The following IQCJ variants were observed in gnomAD, a reference collection of about 807,000 sequenced individuals.
IQCJ encodes IQ motif containing J.
In IQCJ, 9 loss-of-function variants were observed where a neutral mutation model predicts 11.0. That is an observed-to-expected ratio of 0.82 (90% CI 0.49 to 1.43). The LOEUF is 1.43. IQCJ is among the 40% of genes most tolerant of loss of function. IQCJ has a pLI of 0.00. For synonymous variants in IQCJ, 55 were observed against 51.3 expected, an observed-to-expected ratio of 1.07 and a Z score of -0.31; for missense variants, 146 against 133.2, an observed-to-expected ratio of 1.10 and a Z score of -0.47.
At chr3:159,261,307 A>G (rs1226452033) in intron 3 of IQCJ, among the ~76,000 whole-genome samples, 1 of 152,214 alleles carries the variant, frequency 6.6e-6, no homozygotes, top group African/African-American at 2.4e-5. Context: ...ATGAACTGTT[A>G]ACTCCCAGAA....
chr3:159,231,116 A>G (rs868209533), intron 1 of IQCJ, among the ~76,000 whole-genome samples: 1 of 152,166 alleles, frequency 6.6e-6, no homozygotes, highest in Non-Finnish European at 1.5e-5. Context: ...AGTTAGAAAG[A>G]TATTTAGAAT....
intron 1 of IQCJ, among the ~76,000 whole-genome samples, chr3:159,086,393 G>A (rs960307479): frequency 3.6e-4 from 55 of 152,124 alleles, no homozygotes; most frequent in African/African-American, 1.0e-3. Context: ...TTGACTTGGC[G>A]ATGCGTGCTC....
chr3:159,180,391 T>G (rs1423434816), intron 1 of IQCJ, among the ~76,000 whole-genome samples: 2 of 151,614 alleles, frequency 1.3e-5, no homozygotes, highest in African/African-American at 4.9e-5. Context: ...ATTTTTAAAA[T>G]TATCTGCCTC....
intron 1 of IQCJ, among the ~76,000 whole-genome samples, chr3:159,173,751 G>GAAAAGAAAATCTCTT (rs974701157): frequency 6.6e-6 from 1 of 152,152 alleles, no homozygotes; most frequent in Admixed American, 6.5e-5. Flanking sequence ...AGAAAGGCAA[G>GAAAAGAAAATCTCTT]AAAAGAAAAT....
At chr3:159,241,397 A>T (rs1415036285) in intron 1 of IQCJ, among the ~76,000 whole-genome samples, 2 of 152,026 alleles carry the variant, frequency 1.3e-5, no homozygotes, top group East Asian at 3.9e-4. Context: ...TGACAGAGTG[A>T]CACTCTGTCT....
intron 1 of IQCJ, among the ~76,000 whole-genome samples, chr3:159,107,515 C>A (rs1185671448): frequency 1.3e-5 from 2 of 152,108 alleles, no homozygotes; most frequent in African/African-American, 4.8e-5. Context: ...GGGCTTAAAG[C>A]CTTTAAATTT....
At chr3:159,126,728 A>G (rs1719698066) in intron 1 of IQCJ, among the ~76,000 whole-genome samples, 1 of 152,232 alleles carries the variant, frequency 6.6e-6, no homozygotes, top group South Asian at 2.1e-4. Context: ...GCTTTCTGTC[A>G]GTGTTGGTCG....
intron 1 of IQCJ, among the ~76,000 whole-genome samples, chr3:159,216,384 CT>C (rs1246609065): frequency 1.3e-5 from 2 of 152,274 alleles, no homozygotes; most frequent in African/African-American, 4.8e-5. Flanking sequence ...TAATTACTTT[CT>C]TTTCAGATGC....
At chr3:159,125,059 G>T (rs893866344) in intron 1 of IQCJ, among the ~76,000 whole-genome samples, 7 of 152,112 alleles carry the variant, frequency 4.6e-5, no homozygotes, top group African/African-American at 7.2e-5. Flanking sequence ...AAATATTGTG[G>T]TATGAAGAGG....
chr3:159,193,791 C>T (rs965752051), intron 1 of IQCJ, among the ~76,000 whole-genome samples: 1 of 152,172 alleles, frequency 6.6e-6, no homozygotes, highest in Admixed American at 6.5e-5. Flanking sequence ...TTTTCACTGG[C>T]AGGCGGGACG....
rs147743702 is a variant in IQCJ, at chr3:159,126,790, A to G, written c.9+57349A>G. On this transcript the variant is annotated intron_variant, in intron 1 of 3. Coordinates refer to ENST00000397832, the MANE Select transcript of IQCJ (RefSeq NM_001042706.3). ...CCTTCTTTTTTTTTCATTTGTTGAT[A>G]AAGGACTTTGGTCATCAGCTGTTGA... Among the ~76,000 whole-genome samples the G allele has an allele frequency of 5.2e-3, 784 of 152,232 alleles. 13 individuals are homozygous for G. Among genetic ancestry groups the G allele is most frequent in the African/African-American group, 0.018 (755 of 41,524 alleles).
rs888280362 is a variant in IQCJ at position 159,130,650 on chromosome 3, G to T, written c.9+61209G>T. ...TAGTTTGAAACATTGTAGCTTCTCA[G>T]GTATATATTTATTTCACAAATATTT... On this transcript the variant is annotated intron_variant, in intron 1 of 3. Transcript: ENST00000397832. Among the ~76,000 whole-genome samples the T allele has an allele frequency of 5.3e-5, 8 of 152,200 alleles. No homozygotes were observed. The East Asian group carries it at 1.5e-3, about 29-fold the overall frequency.
chr3:159,114,851 A>G (rs1318066176), intron 1 of IQCJ, among the ~76,000 whole-genome samples: 1 of 152,216 alleles, frequency 6.6e-6, no homozygotes, highest in East Asian at 1.9e-4. Context: ...CTGCTCCGGA[A>G]GCTCAAATAA....
intron 1 of IQCJ, among the ~76,000 whole-genome samples, chr3:159,092,455 T>A (rs1717383155): frequency 6.6e-6 from 1 of 151,848 alleles, no homozygotes; most frequent in African/African-American, 2.4e-5. Flanking sequence ...ATCCCAGCAC[T>A]TTGGGAGGCC....
At chr3:159,176,274 A>C (rs1028454929) in intron 1 of IQCJ, among the ~76,000 whole-genome samples, 3 of 152,012 alleles carry the variant, frequency 2.0e-5, no homozygotes, top group Non-Finnish European at 4.4e-5. Context: ...AAAAAGCTAA[A>C]GTTGTTTTTA....
At chr3:159,202,475 C>G (rs1724407051) in intron 1 of IQCJ, among the ~76,000 whole-genome samples, 1 of 152,150 alleles carries the variant, frequency 6.6e-6, no homozygotes, top group Non-Finnish European at 1.5e-5. Context: ...CCAGGTGCTT[C>G]CTATGGATCC....
chr3:159,225,248 G>A (rs954373636), intron 1 of IQCJ, among the ~76,000 whole-genome samples: 2 of 152,110 alleles, frequency 1.3e-5, no homozygotes, highest in African/African-American at 4.8e-5. Flanking sequence ...CGAAGTGAAT[G>A]GACCTCCACA....
At chr3:159,123,809 G>A (rs1719516149) in intron 1 of IQCJ, among the ~76,000 whole-genome samples, 1 of 152,116 alleles carries the variant, frequency 6.6e-6, no homozygotes, top group African/African-American at 2.4e-5. Flanking sequence ...CTGTGATTTA[G>A]TGGGGTGACA....
intron 1 of IQCJ, among the ~76,000 whole-genome samples, chr3:159,120,902 T>G (rs190225972): frequency 4.7e-4 from 71 of 152,298 alleles, no homozygotes; most frequent in Admixed American, 9.1e-4. Context: ...TTATATTCAT[T>G]GTGCCCAGAT....
Sources: gnomAD v4.1 joint callset for allele counts (sites outside exome capture counted in the v4.1 genomes callset) on GRCh38, gnomAD v4.1.1 for gene constraint, MANE v1.5 for transcripts, NCBI Gene and HGNC (gene_info 2026-07-23, HGNC 2026-07-21) for gene names.